The following HELZ2 variants were observed in gnomAD, a reference collection of about 807,000 sequenced individuals.
HELZ2 encodes the protein 3'-5' exoribonuclease HELZ2.
A neutral mutation model predicts 208.8 loss-of-function variants in HELZ2; 143 were observed. The observed-to-expected ratio is 0.68, with a 90% CI of 0.60 to 0.79. The LOEUF is 0.79. Ranked by LOEUF, HELZ2 falls within the 30% of genes least tolerant of loss-of-function variation. The probability of loss-of-function intolerance (pLI) is 0.00; values close to 1 mark genes in which losing one functional copy is unlikely to be tolerated. For synonymous variants in HELZ2, 1,705 were observed against 1,693.7 expected, an observed-to-expected ratio of 1.01 and a Z score of -0.16; for missense variants, 3,690 against 3,794.5, an observed-to-expected ratio of 0.97 and a Z score of 0.72.
chr20:63,567,520 G>T, exon 6 of HELZ2: 1 of 1,562,692 alleles, frequency 6.4e-7, no homozygotes, highest in Non-Finnish European at 8.7e-7. Flanking sequence ...GACTGGGTCC[G>T]TCTGGCTCAG....
exon 6 of HELZ2, chr20:63,567,288 G>A (rs759697357): frequency 2.0e-5 from 32 of 1,609,900 alleles, no homozygotes; most frequent in East Asian, 6.7e-5. Flanking sequence ...CCGCCAGCAC[G>A]AGGCGGGTGC....
chr20:63,570,211 C>G (rs900806342), intron 3 of HELZ2: 1 of 545,076 alleles, frequency 1.8e-6, no homozygotes, highest in South Asian at 1.5e-5. Flanking sequence ...CCACCTGCCT[C>G]GGTCTCCCAA....
rs879659970 is a variant in HELZ2 at position 63,572,444 on chromosome 20, C to T, written c.-59G>A. The T allele has an allele frequency of 2.4e-4, 339 of 1,436,998 alleles. 2 individuals carry two copies. The highest frequency in any genetic ancestry group is 1.9e-3 in the South Asian group (131 of 69,956). The allele number at this position is 1,436,998 out of a possible 1,614,324, so 89.0% of individuals were successfully genotyped here. On this transcript the variant is annotated 5_prime_UTR_variant, in exon 1 of 19. It adds an upstream start codon to the 5' untranslated region. Transcript: ENST00000467148. ...CTCCCCACGCCAGCACGGCTGCCCA[C>T]GCCCCACAAACCTGCAGTAGGCAGG...
rs1193697089 is a variant in HELZ2 at position 63,560,331 on chromosome 20, A to C, written c.7501-4T>G. On this transcript the variant is annotated splice_region_variant and splice_polypyrimidine_tract_variant and intron_variant, in intron 16 of 18. Coordinates refer to ENST00000467148, the Ensembl canonical transcript of HELZ2. ...TCAGCTGCTTGGTGATACGGACCTG[A>C]GGAGCCGAGGGGGCAGGTGGAGCGG... is the stretch of plus-strand genomic sequence containing the variant. 3 of 1,553,112 alleles carry C rather than the reference A, an allele frequency of 1.9e-6. No homozygotes were observed. Among genetic ancestry groups the C allele is most frequent in the Non-Finnish European group, 2.6e-6 (3 of 1,153,922 alleles).
intron 3 of HELZ2, chr20:63,570,177 C>T (rs746172828): frequency 6.4e-6 from 3 of 469,326 alleles, no homozygotes; most frequent in South Asian, 4.7e-5. Flanking sequence ...CCAGGCTGAT[C>T]TCGAACTCCC....
Position 63,570,476 on chromosome 20 carries a change from C to T in HELZ2, c.570+28G>A, listed in dbSNP as rs374148687. ...GTCACCACTTCCCCAGGGCTCCCTC[C>T]GCCCAGTCGGAGCTGTTCTCCGCTC... On this transcript the variant is annotated intron_variant, in intron 3 of 18. Transcript: ENST00000467148. The T allele has an allele frequency of 5.4e-4, 858 of 1,588,436 alleles. 1 individual carries two copies. Among genetic ancestry groups the T allele is most frequent in the Non-Finnish European group, 6.8e-4 (787 of 1,158,406 alleles).
intron 6 of HELZ2, 49 bp downstream of exon 7, chr20:63,566,795 C>T: frequency 1.3e-6 from 2 of 1,516,558 alleles, no homozygotes; most frequent in African/African-American, 1.4e-5. Context: ...AGCTCCCCCT[C>T]CCCCAGCAGG....
upstream of HELZ2, among the ~76,000 whole-genome samples, chr20:63,573,868 G>A (rs889853107): frequency 5.9e-5 from 9 of 152,122 alleles, no homozygotes; most frequent in Non-Finnish European, 1.0e-4. This position sits in a 1 kb window ranked among gnomAD's most constrained non-coding sequence, Gnocchi z 4.9. Context: ...GGCACTCCCC[G>A]CGGACCCCTC....
chr20:63,561,833 A>T, exon 11 of HELZ2: 2 of 1,562,912 alleles, frequency 1.3e-6, no homozygotes, highest in Non-Finnish European at 1.7e-6. Context: ...CTGCCAGGAC[A>T]TCCACCGACT....
chr20:63,565,896 C>G (rs1308315476), exon 8 of HELZ2: 2 of 1,597,182 alleles, frequency 1.3e-6, no homozygotes, highest in Middle Eastern at 1.7e-4. Context: ...TCTGGGGCAG[C>G]CTCCCAGTTC....
In HELZ2 at chr20:63,561,070, C is replaced by T. The variant is rs745758227; in HGVS notation, c.7146+12G>A. 1.9e-6 allele frequency: 3 copies of T among 1,606,258 alleles called. No individual in the cohort carries two copies. The highest frequency in any genetic ancestry group is 2.6e-6 in the Non-Finnish European group (3 of 1,175,590). ...CGCCTGCTCATGCTGCCCACACCCCCCGCCGACCAACCTTCTCGGCCTGTG... is the reference window on the plus strand; with the variant it reads ...CGCCTGCTCATGCTGCCCACACCCCTCGCCGACCAACCTTCTCGGCCTGTG... On this transcript the variant is annotated intron_variant, in intron 14 of 18. Transcript: ENST00000467148.
At position 63,562,314 on chromosome 20, in the gene HELZ2, C is replaced by T. The variant is rs868824432; in HGVS notation, c.6371G>A (p.Arg2124Gln). ...TCTGCAGAGGGGCTGCGGGACAGGC[C>T]GGCCCAGTGCGATGCTGGTGACCAG... Residue 2124 changes from arginine to glutamine, a missense_variant, in exon 9 of 19, where the codon CGG (arginine) becomes CAG (glutamine). By Grantham distance (43) the Arg-to-Gln change is conservative. Transcript: ENST00000467148. The T allele has an allele frequency of 5.0e-6, 8 of 1,598,666 alleles. No homozygotes were observed. Among genetic ancestry groups the T allele is most frequent in the Non-Finnish European group, 6.8e-6 (8 of 1,176,576 alleles).
exon 8 of HELZ2, chr20:63,562,737 GGCT>G (rs1273454273): frequency 1.7e-5 from 28 of 1,603,762 alleles, no homozygotes; most frequent in Non-Finnish European, 2.4e-5. Context: ...CCAGGGCCGA[GGCT>G]GCTGGGCCCA....
chr20:63,566,223 A>G lies in HELZ2; in HGVS notation c.2599T>C (p.Phe867Leu), dbSNP rs1454482035. The change falls in exon 8 of 19, where the codon TTC becomes CTC. Residue 867 changes from phenylalanine to leucine, a missense_variant. Phe to Leu is a conservative substitution (Grantham distance 22). Transcript: ENST00000467148. ...ACAGTGCTGAGCACCACGACCCGGA[A>G]CTGCCGCCCTGCAGGGGGCACGCAG... The G allele has an allele frequency of 6.7e-7, 1 of 1,488,292 alleles. No individual in the cohort carries two copies. The highest frequency in any genetic ancestry group is 1.3e-5 in the South Asian group (1 of 75,542). The allele number at this position is 1,488,292 out of a possible 1,614,324, so 92.2% of individuals were successfully genotyped here.
chr20:63,572,300 G>C, exon 1 of HELZ2: 2 of 1,586,194 alleles, frequency 1.3e-6, no homozygotes, highest in Non-Finnish European at 1.7e-6. Flanking sequence ...AAGGGGGGCC[G>C]TGCGCCCGTC....
At chr20:63,564,955 C>T (rs1317139993) in exon 8 of HELZ2, 6 of 1,608,552 alleles carry the variant, frequency 3.7e-6, no homozygotes, top group Non-Finnish European at 5.1e-6. Context: ...AGGTGCTGGC[C>T]TCAGGCAGCA....
exon 4 of HELZ2, chr20:63,569,433 C>T (rs769578226): frequency 1.2e-6 from 2 of 1,608,770 alleles, no homozygotes; most frequent in Non-Finnish European, 1.7e-6. Context: ...CAGCTGCAGC[C>T]CCAGCTTTTG....
chr20:63,565,192 C>A (rs760626528), exon 8 of HELZ2: 6 of 1,606,546 alleles, frequency 3.7e-6, no homozygotes, highest in Non-Finnish European at 8.5e-7. Flanking sequence ...GCGGGTCCCA[C>A]GTGTCCATGC....
At chr20:63,570,848 C>T (rs1170021694) in exon 2 of HELZ2, 1 of 1,597,924 alleles carries the variant, frequency 6.3e-7, no homozygotes, top group Admixed American at 1.7e-5. Flanking sequence ...GCAGGCGTCC[C>T]CATACTCACA....
Sources: allele counts gnomAD v4.1 joint callset (sites outside exome capture counted in the v4.1 genomes callset), GRCh38; gene constraint gnomAD v4.1.1; non-coding constraint Gnocchi (gnomAD v3.1); transcripts MANE v1.5; gene names NCBI Gene and HGNC (gene_info 2026-07-23, HGNC 2026-07-21).